Variants in GAS7 observed in about 807,000 individuals in gnomAD.
GAS7 encodes growth arrest-specific protein 7.
Under a neutral mutation model 71.1 loss-of-function variants are expected in GAS7, and 28 were observed. The ratio of observed to expected loss-of-function variants is 0.39; its 90% CI spans 0.29 to 0.54. GAS7 has a LOEUF of 0.54. GAS7 is among the 20% of genes least tolerant of loss of function. The probability of loss-of-function intolerance (pLI) is 0.62; values close to 1 mark genes in which losing one functional copy is unlikely to be tolerated. For missense variants in GAS7, 436 were observed against 627.8 expected, an observed-to-expected ratio of 0.69 and a Z score of 3.27; for synonymous variants, 258 against 245.8, an observed-to-expected ratio of 1.05 and a Z score of -0.46.
chr17:10,143,697 T>C (rs2074100988), intron 1 of GAS7, among the ~76,000 whole-genome samples: 1 of 152,072 alleles, frequency 6.6e-6, no homozygotes, highest in Non-Finnish European at 1.5e-5. Flanking sequence ...TGAGGACACA[T>C]GGAGAAAACA....
At chr17:10,106,932 A>G (rs1476073253) in intron 1 of GAS7, among the ~76,000 whole-genome samples, 1 of 152,166 alleles carries the variant, frequency 6.6e-6, no homozygotes, top group Non-Finnish European at 1.5e-5. Context: ...AAATGCAATC[A>G]CAGGGTCTAA....
At chr17:10,152,044 G>C (rs2074170488) in intron 1 of GAS7, among the ~76,000 whole-genome samples, 1 of 152,088 alleles carries the variant, frequency 6.6e-6, no homozygotes, top group Non-Finnish European at 1.5e-5. Flanking sequence ...TGCATCACTG[G>C]AGTTCAGTGA....
intron 1 of GAS7, among the ~76,000 whole-genome samples, chr17:10,067,860 A>G (rs569802060): frequency 1.3e-5 from 2 of 152,314 alleles, no homozygotes; most frequent in African/African-American, 4.8e-5. Flanking sequence ...AGATTCATAC[A>G]TAACTGAATC....
At chr17:9,942,290 T>G (rs2068631136) in intron 7 of GAS7, among the ~76,000 whole-genome samples, 1 of 152,096 alleles carries the variant, frequency 6.6e-6, no homozygotes, top group Admixed American at 6.5e-5. Flanking sequence ...AAAAAGATAT[T>G]GCAATTTGCT....
intron 1 of GAS7, among the ~76,000 whole-genome samples, chr17:10,063,207 T>C (rs1567575826): frequency 1.3e-5 from 2 of 152,058 alleles, no homozygotes; most frequent in African/African-American, 4.8e-5. Flanking sequence ...GCAAAAGGAG[T>C]TCCTGCTCCT....
chr17:10,007,625 C>CAAAAAAA (rs201254619), intron 2 of GAS7, among the ~76,000 whole-genome samples: 21 of 46,594 alleles, frequency 4.5e-4, no homozygotes, highest in African/African-American at 8.3e-4. Flanking sequence ...GATTCTGTCT[C>CAAAAAAA]AAAAAAAAAA....
intron 1 of GAS7, among the ~76,000 whole-genome samples, chr17:10,059,085 T>A (rs2152241455): frequency 6.6e-6 from 1 of 152,312 alleles, no homozygotes; most frequent in East Asian, 1.9e-4. Context: ...AAACGTGGCA[T>A]GCATGAGTAA....
intron 1 of GAS7, among the ~76,000 whole-genome samples, chr17:10,170,014 C>T (rs2074324306): frequency 6.6e-6 from 1 of 152,156 alleles, no homozygotes; most frequent in South Asian, 2.1e-4. Flanking sequence ...TACGTGCAAC[C>T]CATTACCAAA....
chr17:10,130,605 C>G (rs954722969), intron 1 of GAS7, among the ~76,000 whole-genome samples: 15 of 152,188 alleles, frequency 9.9e-5, no homozygotes, highest in African/African-American at 3.6e-4. Context: ...CCAAATGATG[C>G]CCACCAACTG....
At chr17:10,124,674 G>A (rs903062459) in intron 1 of GAS7, among the ~76,000 whole-genome samples, 3 of 152,140 alleles carry the variant, frequency 2.0e-5, no homozygotes, top group East Asian at 1.9e-4. Flanking sequence ...CCAGCAGTTT[G>A]GGGGGGAGCT....
intron 1 of GAS7, chr17:10,020,114 A>G (rs1022669668): frequency 3.8e-6 from 2 of 519,706 alleles, no homozygotes; most frequent in Admixed American, 6.5e-5. Flanking sequence ...GCCCCTGCAC[A>G]GAGGACAGCT....
intron 1 of GAS7, among the ~76,000 whole-genome samples, chr17:10,163,067 G>A (rs1479217119): frequency 6.6e-6 from 1 of 152,070 alleles, no homozygotes; most frequent in Non-Finnish European, 1.5e-5. Context: ...TTAGAAACAG[G>A]CCAGACACGA....
chr17:10,133,001 C>G (rs2074009135), intron 1 of GAS7, among the ~76,000 whole-genome samples: 1 of 151,930 alleles, frequency 6.6e-6, no homozygotes, highest in African/African-American at 2.4e-5. Context: ...CCCCTGCAGG[C>G]ATCCTTCTCT....
At chr17:10,038,197 A>C (rs1294364261) in intron 1 of GAS7, among the ~76,000 whole-genome samples, 1 of 152,146 alleles carries the variant, frequency 6.6e-6, no homozygotes, top group Non-Finnish European at 1.5e-5. Flanking sequence ...GTCTCTACTA[A>C]AAATACAAAA....
At chr17:10,023,966 A>T (rs1012454876) in intron 1 of GAS7, among the ~76,000 whole-genome samples, 5 of 152,198 alleles carry the variant, frequency 3.3e-5, no homozygotes, top group African/African-American at 4.8e-5. Context: ...TCTACTAAAA[A>T]TACAAAAATT....
chr17:10,053,244 C>T (rs908939404), intron 1 of GAS7, among the ~76,000 whole-genome samples: 1 of 152,180 alleles, frequency 6.6e-6, no homozygotes, highest in African/African-American at 2.4e-5. Flanking sequence ...AAAAGATCAA[C>T]AACGGCTTCG....
At chr17:10,022,174 C>T (rs557764356) in intron 1 of GAS7, among the ~76,000 whole-genome samples, 12 of 152,184 alleles carry the variant, frequency 7.9e-5, no homozygotes, top group Admixed American at 2.6e-4. Context: ...GAAGGATTGC[C>T]TGAGCCTAGG....
chr17:9,927,505 CAAA>C (rs765506990), intron 9 of GAS7, among the ~76,000 whole-genome samples: 27 of 151,336 alleles, frequency 1.8e-4, no homozygotes, highest in Non-Finnish European at 3.0e-4. Flanking sequence ...AACAAACAAA[CAAA>C]AAACAATAAT....
chr17:9,937,904 G>GT (rs530438431), intron 8 of GAS7, among the ~76,000 whole-genome samples: 41 of 151,452 alleles, frequency 2.7e-4, no homozygotes, highest in African/African-American at 7.5e-4. Context: ...GAGTCTTTCT[G>GT]TTTTTTTTTA....
Sources: allele counts gnomAD v4.1 joint callset (sites outside exome capture counted in the v4.1 genomes callset), GRCh38; gene constraint gnomAD v4.1.1; transcripts MANE v1.5; gene names NCBI Gene and HGNC (gene_info 2026-07-23, HGNC 2026-07-21).